Variants in MARCHF7 observed in about 807,000 individuals in gnomAD.
MARCHF7 encodes E3 ubiquitin-protein ligase MARCHF7.
Under a neutral mutation model 76.5 loss-of-function variants are expected in MARCHF7, and 20 were observed. That is an observed-to-expected ratio of 0.26 (90% confidence interval 0.18 to 0.38). The LOEUF (loss-of-function observed/expected upper bound fraction) is 0.38. Ranked by LOEUF, MARCHF7 falls within the 10% of genes least tolerant of loss-of-function variation. The pLI, the probability that MARCHF7 is intolerant of heterozygous loss-of-function variation, is 1.00. For missense variants in MARCHF7, 797 were observed against 812.9 expected, an observed-to-expected ratio of 0.98 and a Z score of 0.24; for synonymous variants, 295 against 293.0, an observed-to-expected ratio of 1.01 and a Z score of -0.07.
At chr2:159,739,146 A>T (rs912966699) in intron 4 of MARCHF7, among the ~76,000 whole-genome samples, 1 of 152,256 alleles carries the variant, frequency 6.6e-6, no homozygotes, top group Non-Finnish European at 1.5e-5. Context: ...CCCTGAGAGC[A>T]CAGGGATACC....
rs1705143158 is a variant in MARCHF7 at position 159,748,245 on chromosome 2, A to G, written c.955A>G (p.Arg319Gly). 2 of 1,613,744 alleles carry G rather than the reference A, an allele frequency of 1.2e-6. No homozygotes were observed. Among genetic ancestry groups the G allele is most frequent in the Non-Finnish European group, 1.7e-6 (2 of 1,180,026 alleles). Residue 319 changes from arginine to glycine, a missense_variant, in exon 7 of 12, where the codon AGA (arginine) becomes GGA (glycine). Coordinates refer to ENST00000409175, the MANE Select transcript of MARCHF7 (RefSeq NM_001282805.2). Reference protein sequence around the residue: ...LNSENSYVSPRILTASQSRSN... With the variant: ...LNSENSYVSPGILTASQSRSN... Reference sequence around the variant, plus strand: ...TTCTGAAAATTCTTACGTTTCTCCAAGAATCTTGACAGCTTCACAGTCCCG... The same window carrying G: ...TTCTGAAAATTCTTACGTTTCTCCAGGAATCTTGACAGCTTCACAGTCCCG...
intron 8 of MARCHF7, among the ~76,000 whole-genome samples, chr2:159,755,423 G>C (rs1706174210): frequency 6.6e-6 from 1 of 152,122 alleles, no homozygotes; most frequent in Admixed American, 6.5e-5. Context: ...AGAGAGCCAG[G>C]TGCTGAAGTC....
chr2:159,748,829 A>G lies in MARCHF7; in HGVS notation c.1539A>G (p.Ser513=). The change falls in exon 7 of 12, where the codon TCA becomes TCG. Residue 513 remains serine (S), a synonymous_variant. Transcript: ENST00000409175. ...TVDIIPSGWN[S]ADGKSDKTKS... is the part of the protein sequence containing the mutation. ...ATATTATTCCTTCAGGTTGGAATTC[A>G]GCTGATGGTAAAAGTGATAAAACTA... 1 of 1,614,118 alleles carries G rather than the reference A, an allele frequency of 6.2e-7. No individual in the cohort carries two copies. Among genetic ancestry groups the G allele is most frequent in the Non-Finnish European group, 8.5e-7 (1 of 1,180,016 alleles).
At chr2:159,727,850 A>G (rs1702350414) in intron 3 of MARCHF7, among the ~76,000 whole-genome samples, 1 of 152,236 alleles carries the variant, frequency 6.6e-6, no homozygotes, top group Admixed American at 6.5e-5. Flanking sequence ...ATACGTATTT[A>G]ATAATCAGGC....
rs376067917 is a variant in MARCHF7, at chr2:159,750,523, C to CAAAAT, written c.1613+1643_1613+1647dup. On this transcript the variant is annotated intron_variant, in intron 7 of 11. Coordinates refer to ENST00000409175, the MANE Select transcript of MARCHF7 (RefSeq NM_001282805.2). Reference sequence around the variant, plus strand: ...CAGGCGACAGAGCAAGACTCTGTCTCAAAATAAAATAAAATAAAATAAAAT... The same window carrying CAAAAT: ...CAGGCGACAGAGCAAGACTCTGTCTCAAAATAAAATAAAATAAAATAAAATAAAAT... Among the ~76,000 whole-genome samples the CAAAAT allele has an allele frequency of 3.5e-3, 530 of 151,520 alleles. 25 individuals carry two copies. In the South Asian group the frequency reaches 0.079, roughly 23 times the overall value.
At chr2:159,744,573 A>G (rs892750846) in intron 5 of MARCHF7, among the ~76,000 whole-genome samples, 1 of 152,240 alleles carries the variant, frequency 6.6e-6, no homozygotes, top group Admixed American at 6.5e-5. Flanking sequence ...ATTGGAGGTA[A>G]AATTCTTTAA....
In MARCHF7 at chr2:159,759,247, C is replaced by A; in HGVS notation, c.1805C>A (p.Thr602Asn). The change falls in exon 9 of 12, where the codon ACC (threonine) becomes AAC (asparagine). Residue 602 changes from threonine (T) to asparagine (N), a missense_variant. Thr to Asn is a moderately conservative substitution (Grantham distance 65, BLOSUM62 0). Transcript: ENST00000409175. ...INSGSSLEAVTTCELCKEKLE... is the reference protein window; with the variant it reads ...INSGSSLEAVNTCELCKEKLE... ...CCAGGTTCTTCATTAGAAGCTGTAA[C>A]CACCTGTGAACTATGTAAAGAGAAG... The A allele has an allele frequency of 6.2e-7, 1 of 1,605,812 alleles. No individual in the cohort carries two copies. Among genetic ancestry groups the A allele is most frequent in the Non-Finnish European group, 8.5e-7 (1 of 1,174,626 alleles).
At chr2:159,715,947 G>A (rs1164239210) in intron 3 of MARCHF7, among the ~76,000 whole-genome samples, 181 bp downstream of exon 3, 1 of 152,156 alleles carries the variant, frequency 6.6e-6, no homozygotes, top group Non-Finnish European at 1.5e-5. Flanking sequence ...ACTTAAGATC[G>A]AAACTTGATG....
chr2:159,758,564 C>T (rs1320546664), intron 8 of MARCHF7, among the ~76,000 whole-genome samples: 1 of 152,176 alleles, frequency 6.6e-6, no homozygotes, highest in Non-Finnish European at 1.5e-5. Context: ...TTTGCATATT[C>T]CAGATATTTT....
At chr2:159,751,087 A>G (rs1705588170) in intron 7 of MARCHF7, among the ~76,000 whole-genome samples, 1 of 152,134 alleles carries the variant, frequency 6.6e-6, no homozygotes, top group Admixed American at 6.5e-5. Context: ...GTTTGCTTTA[A>G]TGTTTGCTTG....
rs544492712 is a variant in MARCHF7 at position 159,713,099 on chromosome 2, G to A, written c.-143+493G>A. Among the ~76,000 whole-genome samples, 29 of 152,346 alleles carry A rather than the reference G, an allele frequency of 1.9e-4. No individual in the cohort carries two copies. In the South Asian group the frequency reaches 6.0e-3, roughly 32 times the overall value. On this transcript the variant is annotated intron_variant, in intron 1 of 11. Transcript: ENST00000409175. ...GGCCAGCCCGGCCTCGAGTCGAAGTGACTTCGGTAGCCCCTTAGATTCGGC... is the reference window on the plus strand; with the variant it reads ...GGCCAGCCCGGCCTCGAGTCGAAGTAACTTCGGTAGCCCCTTAGATTCGGC...
At chr2:159,759,752 A>G (rs543524562) in intron 9 of MARCHF7, among the ~76,000 whole-genome samples, 1 of 151,892 alleles carries the variant, frequency 6.6e-6, no homozygotes, top group Non-Finnish European at 1.5e-5. Flanking sequence ...ATATTTGTTT[A>G]AAAAAAACAA....
chr2:159,728,458 ATAGAAAGG>A (rs1317164733), intron 3 of MARCHF7, among the ~76,000 whole-genome samples: 1 of 152,230 alleles, frequency 6.6e-6, no homozygotes, highest in Non-Finnish European at 1.5e-5. Flanking sequence ...AGATGGGGAA[ATAGAAAGG>A]TAAACAAATT....
intron 8 of MARCHF7, among the ~76,000 whole-genome samples, chr2:159,753,813 T>C (rs552757993): frequency 8.6e-4 from 131 of 152,302 alleles, no homozygotes; most frequent in Admixed American, 2.7e-3. Flanking sequence ...ATCGTGATGA[T>C]AGAATGGATA....
intron 4 of MARCHF7, among the ~76,000 whole-genome samples, chr2:159,731,318 T>C (rs1702760696): frequency 6.6e-6 from 1 of 152,212 alleles, no homozygotes; most frequent in Non-Finnish European, 1.5e-5. Context: ...TTGCATGTTT[T>C]TTATAATTGT....
chr2:159,732,586 C>T (rs1020441571), intron 4 of MARCHF7, among the ~76,000 whole-genome samples: 10 of 152,284 alleles, frequency 6.6e-5, no homozygotes, highest in African/African-American at 2.2e-4. Context: ...AATCATGACT[C>T]GGCGCAGCCA....
chr2:159,729,781 A>C (rs1056028069), intron 4 of MARCHF7, among the ~76,000 whole-genome samples: 17 of 152,330 alleles, frequency 1.1e-4, no homozygotes, highest in African/African-American at 3.4e-4. Context: ...TCAGAGGAAC[A>C]AAAACTGTAC....
At chr2:159,729,516 C>CA (rs898378177) in intron 4 of MARCHF7, among the ~76,000 whole-genome samples, 6 of 151,740 alleles carry the variant, frequency 4.0e-5, no homozygotes, top group Admixed American at 3.9e-4. Context: ...ACTAAAAATA[C>CA]AAAAAAATTA....
At chr2:159,754,062 G>A (rs564610932) in intron 8 of MARCHF7, among the ~76,000 whole-genome samples, 3 of 152,328 alleles carry the variant, frequency 2.0e-5, no homozygotes, top group African/African-American at 7.2e-5. Context: ...CATGTAGGCC[G>A]TTAGCTAGAC....
Sources: allele counts gnomAD v4.1 joint callset (sites outside exome capture counted in the v4.1 genomes callset), GRCh38; gene constraint gnomAD v4.1.1; transcripts MANE v1.5; gene names NCBI Gene and HGNC (gene_info 2026-07-23, HGNC 2026-07-21).